HERC5: variants seen among roughly 807,000 people sequenced by gnomAD.
HERC5 encodes HECT and RLD domain containing E3 ubiquitin protein ligase 5.
Under a neutral mutation model 119.6 loss-of-function variants are expected in HERC5, and 99 were observed. The observed-to-expected ratio is 0.83, with a 90% CI of 0.70 to 0.98. HERC5 has a LOEUF of 0.98. HERC5 is among the 50% of genes least tolerant of loss of function. HERC5 has a pLI of 0.00. For synonymous variants in HERC5, 478 were observed against 445.9 expected, an observed-to-expected ratio of 1.07 and a Z score of -0.91; for missense variants, 1,267 against 1,241.3, an observed-to-expected ratio of 1.02 and a Z score of -0.31.
Position 88,479,300 on chromosome 4 carries a change from AAAG to A in HERC5, c.1583-52_1583-50del, listed in dbSNP as rs1346609465. ...ACTCTGTCTCAAAAAAAAAAAAAAA[AAAG>A]CACAATAAAACTCATTTTTTAAAAA... On this transcript the variant is annotated intron_variant, in intron 12 of 22. Transcript: ENST00000264350. 9.0e-6 allele frequency: 13 copies of A among 1,448,368 alleles called. No individual in the cohort carries two copies. In the Admixed American group the frequency reaches 1.9e-4, roughly 21 times the overall value. The allele number at this position is 1,448,368 out of a possible 1,614,324, so 89.7% of individuals were successfully genotyped here.
At chr4:88,494,536 A>G (rs76392973) in intron 18 of HERC5, among the ~76,000 whole-genome samples, 5,387 of 152,304 alleles carry the variant, frequency 0.035, 270 homozygotes, top group African/African-American at 0.11. Flanking sequence ...CTAGACTTCA[A>G]TGTTTGCATT....
At chr4:88,467,263 C>T in intron 7 of HERC5, 59 bp downstream of exon 7, 1 of 1,544,308 alleles carries the variant, frequency 6.5e-7, no homozygotes, top group Non-Finnish European at 8.9e-7. Flanking sequence ...AATGATTTTT[C>T]TAACTAGGTA....
In HERC5 at chr4:88,494,156, G is replaced by A. The variant is rs771059308; in HGVS notation, c.2278-9G>A. On this transcript the variant is annotated splice_polypyrimidine_tract_variant and intron_variant, in intron 17 of 22. Coordinates refer to ENST00000264350, the MANE Select transcript of HERC5 (RefSeq NM_016323.4). ...CATAATACTTTAAGATTTTTTTTTC[G>A]CTTTTCAGCCTAAATTTGAGAAGAA... 1.2e-5 allele frequency: 19 copies of A among 1,558,612 alleles called. No individual in the cohort carries two copies. The highest frequency in any genetic ancestry group is 2.4e-5 in the South Asian group (2 of 82,358).
intron 1 of HERC5, chr4:88,457,790 G>A (rs1416729992): frequency 2.9e-6 from 2 of 688,968 alleles, no homozygotes; most frequent in South Asian, 7.7e-5. Flanking sequence ...CGGGGCATGC[G>A]GGCACCGTCT....
intron 7 of HERC5, among the ~76,000 whole-genome samples, 193 bp downstream of exon 7, chr4:88,467,397 A>G (rs1740709232): frequency 6.6e-6 from 1 of 152,176 alleles, no homozygotes; most frequent in Non-Finnish European, 1.5e-5. Context: ...ATTCTATATT[A>G]CTCCTTCAGA....
intron 1 of HERC5, chr4:88,458,126 T>C: frequency 2.1e-6 from 2 of 960,096 alleles, no homozygotes; most frequent in Non-Finnish European, 2.5e-6. Context: ...TGTTTATCTT[T>C]GCCTGGCTTT....
At position 88,457,135 on chromosome 4, in the gene HERC5, G is replaced by A. The variant is rs967401449; in HGVS notation, c.-135G>A. 2 of 1,232,042 alleles carry A rather than the reference G, an allele frequency of 1.6e-6. No individual in the cohort carries two copies. The highest frequency in any genetic ancestry group is 2.0e-6 in the Non-Finnish European group (2 of 987,662). 76.3% of individuals were successfully genotyped at this position (1,232,042 alleles called of 1,614,324 possible). ...CAGGGGCTCAGTAGCTGAGGCTGCG[G>A]TTCCCCGACGCCACGCAGCTGCGCG... On this transcript the variant is annotated 5_prime_UTR_variant, in exon 1 of 23. Coordinates refer to ENST00000264350, the MANE Select transcript of HERC5 (RefSeq NM_016323.4).
rs780004169 is a variant in HERC5, at chr4:88,460,097, T to C, written c.392T>C (p.Phe131Ser). Reference sequence around the variant, plus strand: ...CAAAGTGTATTTTCCTTCATCAGGTTTGAAAGCATTTTACAAGAAAAAAAA... The same window carrying C: ...CAAAGTGTATTTTCCTTCATCAGGTCTGAAAGCATTTTACAAGAAAAAAAA... The part of the protein sequence containing the change: ...YDNYSMKHLR[F>S]ESILQEKKII... The change falls in exon 3 of 23, where the codon TTT (phenylalanine) becomes TCT (serine). Residue 131 changes from phenylalanine to serine, a missense_variant and splice_region_variant. Phe to Ser is a radical substitution (Grantham distance 155, BLOSUM62 -2). Around this residue, in one of 3 missense-constraint regions of HERC5, gnomAD observed 777 missense variants for 758.0 expected, o/e 1.03. Coordinates refer to ENST00000264350, the MANE Select transcript of HERC5 (RefSeq NM_016323.4). The C allele has an allele frequency of 2.3e-5, 36 of 1,543,424 alleles. No homozygotes were observed. Among genetic ancestry groups the C allele is most frequent in the Non-Finnish European group, 2.7e-5 (30 of 1,118,250 alleles).
chr4:88,479,839 G>A (rs1414972724), intron 13 of HERC5, among the ~76,000 whole-genome samples: 2 of 152,070 alleles, frequency 1.3e-5, no homozygotes, highest in Non-Finnish European at 2.9e-5. Flanking sequence ...AGGCCAAGGC[G>A]GGCGGATCAC....
intron 6 of HERC5, among the ~76,000 whole-genome samples, chr4:88,466,340 C>G (rs1740663651): frequency 6.6e-6 from 1 of 152,132 alleles, no homozygotes; most frequent in African/African-American, 2.4e-5. Flanking sequence ...CCTTGGCCTC[C>G]CAAAGTGCTG....
intron 3 of HERC5, 55 bp downstream of exon 3, chr4:88,460,226 TG>T: frequency 1.2e-6 from 1 of 849,648 alleles, no homozygotes; most frequent in Middle Eastern, 2.3e-4. Flanking sequence ...TGTGTATATG[TG>T]GAGCCAGTAG....
chr4:88,491,934 G>A (rs969959878), intron 16 of HERC5, among the ~76,000 whole-genome samples: 4 of 152,026 alleles, frequency 2.6e-5, no homozygotes, highest in Non-Finnish European at 5.9e-5. Context: ...CAGCCTCCTC[G>A]GGGAGCAAAC....
chr4:88,486,576 G>T (rs79030806), intron 14 of HERC5, among the ~76,000 whole-genome samples: 1 of 152,176 alleles, frequency 6.6e-6, no homozygotes, highest in South Asian at 2.1e-4. Context: ...AGTGTCTTGG[G>T]TGTAAGCACT....
intron 11 of HERC5, 22 bp from the exon 12 acceptor site, chr4:88,475,819 C>T (rs1472882932): frequency 2.5e-6 from 4 of 1,609,684 alleles, no homozygotes; most frequent in Non-Finnish European, 3.4e-6. Context: ...AATCCCTTTT[C>T]CCTGTTCCTT....
At chr4:88,466,287 G>A (rs1740661700) in intron 6 of HERC5, among the ~76,000 whole-genome samples, 2 of 151,970 alleles carry the variant, frequency 1.3e-5, no homozygotes, top group Non-Finnish European at 1.5e-5. Flanking sequence ...TCCTTATATT[G>A]GCCAGGCTGG....
At position 88,505,883 on chromosome 4, in the gene HERC5, C is replaced by T. The variant is rs533110048; in HGVS notation, c.*5C>T. 1.4e-5 allele frequency: 22 copies of T among 1,597,322 alleles called. 1 individual carries two copies. The highest frequency in any genetic ancestry group is 1.0e-4 in the South Asian group (9 of 88,698). On this transcript the variant is annotated 3_prime_UTR_variant, in exon 23 of 23. Coordinates refer to ENST00000264350, the MANE Select transcript of HERC5 (RefSeq NM_016323.4). ...AACAACAGAGGATTTGGCTGACCAG[C>T]TTGCTTGTCCAACAGCCTTATTTTG... is the stretch of plus-strand genomic sequence containing the variant.
intron 13 of HERC5, among the ~76,000 whole-genome samples, chr4:88,484,729 TG>T (rs1205302027): frequency 6.6e-6 from 1 of 152,192 alleles, no homozygotes; most frequent in African/African-American, 2.4e-5. Flanking sequence ...ACTTCTCCTA[TG>T]GACTCCCTAA....
intron 13 of HERC5, among the ~76,000 whole-genome samples, chr4:88,483,521 T>C (rs1458424873): frequency 7.4e-6 from 1 of 134,444 alleles, no homozygotes; most frequent in Non-Finnish European, 1.6e-5. Flanking sequence ...TCTATAGGCT[T>C]TTTTTTTTTT....
chr4:88,463,028 A>G (rs1327025910), intron 4 of HERC5, among the ~76,000 whole-genome samples: 1 of 152,230 alleles, frequency 6.6e-6, no homozygotes, highest in Non-Finnish European at 1.5e-5. Flanking sequence ...GTCATTACAC[A>G]GAATAGCCCA....
Sources: allele counts gnomAD v4.1 joint callset (sites outside exome capture counted in the v4.1 genomes callset), GRCh38; gene constraint gnomAD v4.1.1; regional missense constraint gnomAD v4.1.1; transcripts MANE v1.5; gene names NCBI Gene and HGNC (gene_info 2026-07-23, HGNC 2026-07-21).